The following CDKAL1 variants were observed in gnomAD, a reference collection of about 807,000 sequenced individuals.
CDKAL1 encodes CDKAL1 threonylcarbamoyladenosine tRNA methylthiotransferase, also known as threonylcarbamoyladenosine tRNA methylthiotransferase.
CDKAL1 carries 32 observed loss-of-function variants against 68.2 expected under a neutral mutation model. That is an observed-to-expected ratio of 0.47 (90% CI 0.35 to 0.63). The LOEUF is 0.63. CDKAL1 is among the 30% of genes least tolerant of loss of function. CDKAL1 has a pLI of 0.00. For synonymous variants in CDKAL1, 234 were observed against 244.3 expected, an observed-to-expected ratio of 0.96 and a Z score of 0.39; for missense variants, 606 against 696.7, an observed-to-expected ratio of 0.87 and a Z score of 1.47.
chr6:20,821,307 C>T lies in CDKAL1; in HGVS notation c.639-24768C>T, dbSNP rs572485551. Among the ~76,000 whole-genome samples, 9 of 152,088 alleles carry T rather than the reference C, an allele frequency of 5.9e-5. No individual in the cohort carries two copies. In the East Asian group the frequency reaches 1.4e-3, roughly 23 times the overall value. On this transcript the variant is annotated intron_variant, in intron 8 of 15. Transcript: ENST00000274695. ...GGAAGAAGAGAGAATGGGTTGCTCC[C>T]GTGATAGTCTAGATGAGACATGGTG...
At position 21,085,756 on chromosome 6, in the gene CDKAL1, T is replaced by C. The variant is rs547969359; in HGVS notation, c.1236+20528T>C. On this transcript the variant is annotated intron_variant, in intron 12 of 15. Transcript: ENST00000274695. Reference sequence around the variant, plus strand: ...TACAGCCGCATTGGCCCTTGGGAATTTTCCTAGATAATAAACTGAGCCATC... The same window carrying C: ...TACAGCCGCATTGGCCCTTGGGAATCTTCCTAGATAATAAACTGAGCCATC... Among the ~76,000 whole-genome samples, 11 of 152,246 alleles carry C rather than the reference T, an allele frequency of 7.2e-5. No homozygotes were observed. In the South Asian group the frequency reaches 2.3e-3, roughly 32 times the overall value.
At chr6:20,822,357 C>A (rs1157090009) in intron 8 of CDKAL1, among the ~76,000 whole-genome samples, 3 of 152,124 alleles carry the variant, frequency 2.0e-5, no homozygotes, top group East Asian at 3.9e-4. Flanking sequence ...AAGACAGAAT[C>A]TGAAAGTCCT....
intron 12 of CDKAL1, among the ~76,000 whole-genome samples, chr6:21,091,677 T>C (rs1165487566): frequency 1.3e-5 from 2 of 152,028 alleles, no homozygotes; most frequent in Non-Finnish European, 2.9e-5. Context: ...TCAAATGCCC[T>C]CTTTGTTCAT....
At chr6:21,146,797 G>A (rs1776190299) in intron 13 of CDKAL1, among the ~76,000 whole-genome samples, 1 of 139,502 alleles carries the variant, frequency 7.2e-6, no homozygotes, top group South Asian at 2.3e-4. Context: ...CTTGCAGTGA[G>A]CCAAGATCTC....
intron 4 of CDKAL1, among the ~76,000 whole-genome samples, chr6:20,618,752 C>T (rs190490168): frequency 4.9e-4 from 74 of 152,042 alleles, no homozygotes; most frequent in African/African-American, 1.7e-3. Flanking sequence ...AGTCTTGGCT[C>T]ACTCTAGCCT....
intron 12 of CDKAL1, among the ~76,000 whole-genome samples, chr6:21,098,042 A>G (rs569755978): frequency 8.5e-5 from 13 of 152,288 alleles, no homozygotes; most frequent in African/African-American, 2.4e-4. Context: ...TGAAAGCTCT[A>G]TTGAGTTCAG....
chr6:20,860,804 C>T (rs796530431), intron 9 of CDKAL1, among the ~76,000 whole-genome samples: 10 of 150,892 alleles, frequency 6.6e-5, no homozygotes, highest in African/African-American at 2.4e-4. Context: ...AGCCTGGCAA[C>T]AGAGCGAGAC....
intron 9 of CDKAL1, among the ~76,000 whole-genome samples, chr6:20,855,970 C>A (rs966865894): frequency 6.6e-6 from 1 of 152,308 alleles, no homozygotes; most frequent in East Asian, 1.9e-4. Flanking sequence ...TGTTCTCTAT[C>A]AAGATCCTGA....
At chr6:20,894,391 C>CTTTTT (rs5874793) in intron 9 of CDKAL1, among the ~76,000 whole-genome samples, 13 of 124,066 alleles carry the variant, frequency 1.0e-4, no homozygotes, top group South Asian at 2.7e-4. Flanking sequence ...ACCCCACATA[C>CTTTTT]TTTTTTTTTT....
At chr6:20,701,214 G>A (rs970548342) in intron 5 of CDKAL1, among the ~76,000 whole-genome samples, 1 of 151,482 alleles carries the variant, frequency 6.6e-6, no homozygotes, top group Non-Finnish European at 1.5e-5. Context: ...AGAAAGGATA[G>A]GGTTCTGATG....
At chr6:20,711,956 CTAGCAAGGATA>C (rs1453710700) in intron 5 of CDKAL1, among the ~76,000 whole-genome samples, 1 of 152,188 alleles carries the variant, frequency 6.6e-6, no homozygotes, top group African/African-American at 2.4e-5. Flanking sequence ...AAGTTACTCA[CTAGCAAGGATA>C]ATGAAGATGC....
rs754522052 is a variant in CDKAL1, at chr6:20,672,182, TTC to T, written c.371+22817_371+22818del. On this transcript the variant is annotated intron_variant, in intron 5 of 15. Coordinates refer to ENST00000274695, the MANE Select transcript of CDKAL1 (RefSeq NM_017774.3). ...CTTCTGCCTCTCCCTCTCTTTCTCT[TTC>T]TCTCTCTCTCTTTCTTTCCTTCCTT... Among the ~76,000 whole-genome samples the T allele has an allele frequency of 4.3e-3, 640 of 148,216 alleles. 4 individuals carry two copies. The highest frequency in any genetic ancestry group is 0.015 in the African/African-American group (603 of 40,442).
chr6:20,768,620 C>T (rs765676289), intron 7 of CDKAL1, among the ~76,000 whole-genome samples: 1 of 152,038 alleles, frequency 6.6e-6, no homozygotes, highest in African/African-American at 2.4e-5. Context: ...TTTGCCCTTC[C>T]TCCATTCAGT....
intron 15 of CDKAL1, among the ~76,000 whole-genome samples, chr6:21,220,517 T>C (rs1056667003): frequency 6.6e-6 from 1 of 152,238 alleles, no homozygotes; most frequent in African/African-American, 2.4e-5. Context: ...GGAGAAGTTA[T>C]GTATAAACAA....
intron 9 of CDKAL1, among the ~76,000 whole-genome samples, chr6:20,887,658 T>G (rs1204411651): frequency 7.5e-5 from 4 of 53,164 alleles, no homozygotes; most frequent in Non-Finnish European, 1.5e-4. Context: ...TAGGGAGAGA[T>G]TGTCTGATGA....
rs189861298 is a variant in CDKAL1, at chr6:20,812,125, A to C, written c.638+30860A>C. ...TCCTCTGAAAAGAATTTTTTTAAAA[A>C]TTTGGTTACCCTGCTTTATAGTTTC... On this transcript the variant is annotated intron_variant, in intron 8 of 15. Transcript: ENST00000274695. Among the ~76,000 whole-genome samples, 1,335 of 152,284 alleles carry C rather than the reference A, an allele frequency of 8.8e-3. 13 individuals carry two copies. The highest frequency in any genetic ancestry group is 0.015 in the Non-Finnish European group (1,026 of 68,010).
chr6:20,957,027 A>AG (rs958397369), intron 10 of CDKAL1, among the ~76,000 whole-genome samples: 1 of 151,650 alleles, frequency 6.6e-6, no homozygotes, highest in African/African-American at 2.4e-5. Context: ...AAAAAAAAAA[A>AG]AAATCAAATA....
chr6:20,890,037 AGCTACCGT>A (rs776026333), intron 9 of CDKAL1, among the ~76,000 whole-genome samples: 49 of 152,126 alleles, frequency 3.2e-4, no homozygotes, highest in Non-Finnish European at 7.4e-5. Flanking sequence ...CACATGCATG[AGCTACCGT>A]GCCCGGGCTA....
chr6:21,045,900 G>A (rs575864085), intron 11 of CDKAL1, among the ~76,000 whole-genome samples: 3 of 152,094 alleles, frequency 2.0e-5, no homozygotes, highest in African/African-American at 2.4e-5. Context: ...CTGAGAAAGG[G>A]GGCCTTTTGG....
Sources: gnomAD v4.1 joint callset for allele counts (sites outside exome capture counted in the v4.1 genomes callset) on GRCh38, gnomAD v4.1.1 for gene constraint, MANE v1.5 for transcripts, NCBI Gene and HGNC (gene_info 2026-07-23, HGNC 2026-07-21) for gene names.